Variants in PLCG2 observed in about 807,000 individuals in gnomAD.
The protein encoded by PLCG2 is 1-phosphatidylinositol 4,5-bisphosphate phosphodiesterase gamma-2.
Under a neutral mutation model 175.6 loss-of-function variants are expected in PLCG2, and 69 were observed. That is an observed-to-expected ratio of 0.39 (90% CI 0.32 to 0.48). The LOEUF (loss-of-function observed/expected upper bound fraction) is 0.48. PLCG2 is among the 20% of genes least tolerant of loss of function. The pLI is 0.91. For missense variants in PLCG2, 1,798 were observed against 1,650.9 expected, an observed-to-expected ratio of 1.09 and a Z score of -1.54; for synonymous variants, 827 against 624.0, an observed-to-expected ratio of 1.33 and a Z score of -4.85.
chr16:81,938,605 G>C, intron 28 of PLCG2, 196 bp from the exon 29 acceptor site: 1 of 579,060 alleles, frequency 1.7e-6, no homozygotes, highest in Non-Finnish European at 3.1e-6. Flanking sequence ...CCAGGCTGAT[G>C]CTGAGGAACT....
rs1457802866 is a variant in PLCG2 at position 81,821,305 on chromosome 16, G to A, written c.194-33139G>A. On this transcript the variant is annotated intron_variant, in intron 2 of 32. Coordinates refer to ENST00000564138, the MANE Select transcript of PLCG2 (RefSeq NM_002661.5). ...GCTAAATATCATAGTAATAATAATG[G>A]ATTGTTGTCTCTTGCTGTGTAACAA... 2.0e-5 allele frequency among the ~76,000 whole-genome samples: 3 copies of A among 152,232 alleles called. No individual in the cohort carries two copies. In the East Asian group the frequency reaches 5.8e-4, roughly 29 times the overall value.
intron 22 of PLCG2, among the ~76,000 whole-genome samples, chr16:81,925,459 G>C (rs186871776): frequency 6.6e-6 from 1 of 152,170 alleles, no homozygotes; most frequent in Non-Finnish European, 1.5e-5. Flanking sequence ...GTGCGGGGGG[G>C]CGTGAAAAGG....
chr16:81,900,319 A>ACTTTT (rs1313938835), intron 13 of PLCG2, among the ~76,000 whole-genome samples: 2 of 152,120 alleles, frequency 1.3e-5, no homozygotes, highest in African/African-American at 4.8e-5. Context: ...AAGATTAGAG[A>ACTTTT]CTTTTTTCTG....
intron 2 of PLCG2, among the ~76,000 whole-genome samples, chr16:81,841,124 C>G (rs1037404205): frequency 4.6e-5 from 7 of 152,222 alleles, no homozygotes; most frequent in Non-Finnish European, 1.0e-4. Context: ...AGCGCAGTGG[C>G]AACAACTCTG....
chr16:81,824,439 C>T (rs1395835902), intron 2 of PLCG2, among the ~76,000 whole-genome samples: 1 of 152,156 alleles, frequency 6.6e-6, no homozygotes, highest in Non-Finnish European at 1.5e-5. Flanking sequence ...TGGCCCCAGC[C>T]ACTTATTTTC....
chr16:81,917,465 C>T (rs995178061), intron 19 of PLCG2, among the ~76,000 whole-genome samples: 2 of 152,000 alleles, frequency 1.3e-5, no homozygotes, highest in South Asian at 2.1e-4. Flanking sequence ...TTTGAGGAAC[C>T]TCTGTACTGT....
In PLCG2 at chr16:81,869,205, CTT is replaced by C; in HGVS notation, c.480-6_480-5del. 6.2e-7 allele frequency: 1 copy of C among 1,612,236 alleles called. No homozygotes were observed. The highest frequency in any genetic ancestry group is 8.5e-7 in the Non-Finnish European group (1 of 1,178,240). On this transcript the variant is annotated splice_region_variant and splice_polypyrimidine_tract_variant and intron_variant, in intron 5 of 32. Coordinates refer to ENST00000564138, the MANE Select transcript of PLCG2 (RefSeq NM_002661.5). The stretch of plus-strand genomic sequence containing the variant: ...CAAGGTGACAGAACTGGGTCTCCCT[CTT>C]TTGCAGCATCAGTCTCCGAGAGTTG...
chr16:81,893,251 G>T lies in PLCG2; in HGVS notation c.987-458G>T, dbSNP rs191856941. Among the ~76,000 whole-genome samples, 697 of 152,276 alleles carry T rather than the reference G, an allele frequency of 4.6e-3. 3 individuals are homozygous for T. Among genetic ancestry groups the T allele is most frequent in the Middle Eastern group, 0.01 (3 of 294 alleles). On this transcript the variant is annotated intron_variant, in intron 11 of 32. Transcript: ENST00000564138. ...TCTTACGGCAGTTTTGGTGGATATG[G>T]CTCCTAGCATAGCCGATTGCACCAA...
At chr16:81,763,229 T>A (rs1485820470) in intron 2 of PLCG2, among the ~76,000 whole-genome samples, 2 of 152,246 alleles carry the variant, frequency 1.3e-5, no homozygotes, top group East Asian at 1.9e-4. Flanking sequence ...GATTCTGCTG[T>A]AGCCCAGATT....
chr16:81,872,973 GTA>G (rs1285913749), intron 7 of PLCG2, among the ~76,000 whole-genome samples: 2 of 152,258 alleles, frequency 1.3e-5, no homozygotes, highest in Non-Finnish European at 2.9e-5. Context: ...GACTTTGGAT[GTA>G]TCTGAGTTAG....
upstream of PLCG2, among the ~76,000 whole-genome samples, chr16:81,774,720 G>A (rs1303661043): frequency 6.6e-6 from 1 of 151,936 alleles, no homozygotes; most frequent in African/African-American, 2.4e-5. Flanking sequence ...AGGAGGTCTG[G>A]GTTTGAAATA....
At chr16:81,768,386 A>G (rs1910198423) in intron 2 of PLCG2, among the ~76,000 whole-genome samples, 1 of 152,048 alleles carries the variant, frequency 6.6e-6, no homozygotes, top group Non-Finnish European at 1.5e-5. Context: ...CTGTGGACAT[A>G]TGTTTTCATA....
intron 5 of PLCG2, among the ~76,000 whole-genome samples, chr16:81,866,133 G>A (rs75306178): frequency 1.2e-4 from 14 of 114,718 alleles, no homozygotes; most frequent in East Asian, 5.5e-4. Flanking sequence ...TGCTCCCAGG[G>A]TGAGCTCCAA....
intron 7 of PLCG2, among the ~76,000 whole-genome samples, chr16:81,871,431 C>T (rs9923780): frequency 0.55 from 83,117 of 152,018 alleles, 23,469 homozygotes; most frequent in Middle Eastern, 0.62. Context: ...CTTTGCCTCC[C>T]GGGTTCAAGC....
chr16:81,832,102 TGGA>T (rs761666788), intron 2 of PLCG2, among the ~76,000 whole-genome samples: 162 of 125,550 alleles, frequency 1.3e-3, no homozygotes, highest in African/African-American at 4.0e-3. Context: ...CTTTGATAAA[TGGA>T]GGGGGGGAAT....
chr16:81,912,607 G>A lies in PLCG2; in HGVS notation c.1945G>A (p.Asp649Asn). 1.9e-6 allele frequency: 3 copies of A among 1,612,538 alleles called. No homozygotes were observed. The highest frequency in any genetic ancestry group is 2.5e-6 in the Non-Finnish European group (3 of 1,179,456). ...NPHESKPWYY[D>N]SLSRGEAEDM... is the part of the protein sequence containing the mutation. ...GGCCCTGTGCCGCAGGTGGTACTATGACAGCCTGAGCCGCGGAGAGGCAGA... is the reference window on the plus strand; with the variant it reads ...GGCCCTGTGCCGCAGGTGGTACTATAACAGCCTGAGCCGCGGAGAGGCAGA... Residue 649 changes from aspartate to asparagine, a missense_variant, in exon 19 of 33, where the codon GAC becomes AAC. Physicochemically the swap from Asp to Asn is conservative, Grantham distance 23. Coordinates refer to ENST00000564138, the MANE Select transcript of PLCG2 (RefSeq NM_002661.5).
At chr16:81,855,259 G>A (rs1164554188) in intron 3 of PLCG2, among the ~76,000 whole-genome samples, 1 of 151,662 alleles carries the variant, frequency 6.6e-6, no homozygotes, top group East Asian at 1.9e-4. Flanking sequence ...ATGTGGCTCA[G>A]CAAATCTGAT....
intron 2 of PLCG2, among the ~76,000 whole-genome samples, chr16:81,766,351 C>T (rs1276711016): frequency 1.3e-5 from 2 of 152,222 alleles, no homozygotes; most frequent in African/African-American, 2.4e-5. Context: ...GCTGTGCCCC[C>T]AACCCTGCCC....
chr16:81,945,186 A>G (rs554399590), intron 30 of PLCG2, among the ~76,000 whole-genome samples: 1 of 152,366 alleles, frequency 6.6e-6, no homozygotes, highest in East Asian at 1.9e-4. Context: ...TGAAGGTGAT[A>G]AAGCAACTGA....
Sources: allele counts gnomAD v4.1 joint callset (sites outside exome capture counted in the v4.1 genomes callset), GRCh38; gene constraint gnomAD v4.1.1; transcripts MANE v1.5; gene names NCBI Gene and HGNC (gene_info 2026-07-23, HGNC 2026-07-21).